The following TAFA2 variants were observed in gnomAD, a reference collection of about 807,000 sequenced individuals.
TAFA2 encodes the protein TAFA chemokine like family member 2, also known as chemokine-like protein TAFA-2.
In TAFA2, 7 loss-of-function variants were observed where a neutral mutation model predicts 18.8. The ratio of observed to expected loss-of-function variants is 0.37; its 90% CI spans 0.21 to 0.70. The LOEUF is 0.70. Among genes scored for constraint, TAFA2 ranks in the 30% least tolerant of loss-of-function variants. TAFA2 has a pLI of 0.53. For missense variants in TAFA2, 122 were observed against 158.1 expected (o/e 0.77, Z 1.23); for synonymous variants, 60 against 54.2 (o/e 1.11, Z -0.47).
intron 4 of TAFA2, among the ~76,000 whole-genome samples, chr12:61,711,836 CA>C (rs1869424162): frequency 6.6e-6 from 1 of 151,960 alleles, no homozygotes; most frequent in Non-Finnish European, 1.5e-5. Context: ...GGGTTGGAAA[CA>C]CATGAAGAGC....
intron 4 of TAFA2, among the ~76,000 whole-genome samples, chr12:61,731,782 C>T (rs1870462863): frequency 6.6e-6 from 1 of 151,976 alleles, no homozygotes; most frequent in Admixed American, 6.6e-5. Context: ...GTGAAACTTC[C>T]CAAAGATGCA....
Position 62,101,499 on chromosome 12 carries a change from C to T in TAFA2, c.-2+89760G>A, listed in dbSNP as rs150730312. Reference sequence around the variant, plus strand: ...CCTAGATTGTTAGTTCTTCCATAAGCCCAAACGTAACTCTTATTCAGAAAG... The same window carrying T: ...CCTAGATTGTTAGTTCTTCCATAAGTCCAAACGTAACTCTTATTCAGAAAG... On this transcript the variant is annotated intron_variant, in intron 1 of 4. Coordinates refer to ENST00000416284, the MANE Select transcript of TAFA2 (RefSeq NM_178539.5). 1.4e-4 allele frequency among the ~76,000 whole-genome samples: 21 copies of T among 152,266 alleles called. No homozygotes were observed. In the South Asian group the frequency reaches 1.4e-3, roughly 11 times the overall value.
intron 1 of TAFA2, among the ~76,000 whole-genome samples, chr12:62,134,761 G>A (rs138466089): frequency 6.6e-6 from 1 of 151,916 alleles, no homozygotes; most frequent in Non-Finnish European, 1.5e-5. Context: ...ACCTAATATC[G>A]AATGAATGGT....
chr12:61,825,977 A>C (rs2121071011), intron 2 of TAFA2, among the ~76,000 whole-genome samples: 1 of 152,202 alleles, frequency 6.6e-6, no homozygotes, highest in Non-Finnish European at 1.5e-5. Context: ...AGTTCAAAAA[A>C]ATCAAAAGTT....
chr12:61,812,577 T>G (rs1396169918), intron 2 of TAFA2, among the ~76,000 whole-genome samples: 3 of 150,776 alleles, frequency 2.0e-5, no homozygotes, highest in Non-Finnish European at 4.4e-5. Flanking sequence ...CATCTTTTTT[T>G]TTTTTTTTTG....
intron 2 of TAFA2, among the ~76,000 whole-genome samples, chr12:61,847,951 G>C (rs1565654927): frequency 6.6e-6 from 1 of 152,034 alleles, no homozygotes. Context: ...TAGTGGGCTT[G>C]TCAGTTTTAT....
At chr12:61,880,190 C>G (rs549909511) in intron 1 of TAFA2, 1 of 522,818 alleles carries the variant, frequency 1.9e-6, no homozygotes, top group Non-Finnish European at 3.6e-6. Flanking sequence ...TGAGGACCTG[C>G]AGATGCTGGC....
intron 2 of TAFA2, among the ~76,000 whole-genome samples, chr12:61,844,361 A>T (rs1873314804): frequency 6.6e-6 from 1 of 152,134 alleles, no homozygotes; most frequent in East Asian, 1.9e-4. Flanking sequence ...ATATTTCAAT[A>T]CTCAGAACTG....
intron 1 of TAFA2, among the ~76,000 whole-genome samples, chr12:61,893,612 C>T (rs1027057042): frequency 8.5e-5 from 13 of 152,112 alleles, no homozygotes; most frequent in African/African-American, 3.1e-4. Flanking sequence ...GGAGACAACT[C>T]TTCCATTTTA....
At chr12:62,179,685 T>C (rs999365185) in intron 1 of TAFA2, among the ~76,000 whole-genome samples, 1 of 152,164 alleles carries the variant, frequency 6.6e-6, no homozygotes, top group African/African-American at 2.4e-5. Context: ...AGAATTTCAA[T>C]GGATTTATTC....
intron 4 of TAFA2, among the ~76,000 whole-genome samples, chr12:61,738,717 G>A (rs1039466569): frequency 1.2e-4 from 18 of 152,056 alleles, no homozygotes; most frequent in Non-Finnish European, 1.0e-4. Context: ...CTGTTCTCAA[G>A]CACTGAAATC....
chr12:62,207,790 C>T (rs1302673318), intron 1 of TAFA2, among the ~76,000 whole-genome samples: 1 of 152,208 alleles, frequency 6.6e-6, no homozygotes, highest in Non-Finnish European at 1.5e-5. Context: ...ATCTGAGTTA[C>T]AAGCACGTAG....
intron 1 of TAFA2, among the ~76,000 whole-genome samples, chr12:61,903,056 C>T (rs1876180368): frequency 6.6e-6 from 1 of 152,150 alleles, no homozygotes; most frequent in South Asian, 2.1e-4. Flanking sequence ...CCTATCTGAT[C>T]TCTCTGCTTC....
intron 1 of TAFA2, among the ~76,000 whole-genome samples, chr12:62,001,260 TG>T (rs1356879251): frequency 2.2e-4 from 34 of 152,280 alleles, no homozygotes; most frequent in African/African-American, 6.7e-4. Context: ...CTTTTTGGCA[TG>T]AGGGACTGGT....
At chr12:61,945,144 GT>G (rs1235739107) in intron 1 of TAFA2, among the ~76,000 whole-genome samples, 1 of 115,824 alleles carries the variant, frequency 8.6e-6, no homozygotes, top group African/African-American at 4.6e-5. Flanking sequence ...TGCAAGGCTG[GT>G]TCAATATATG....
At chr12:62,074,219 C>T (rs1371621890) in intron 1 of TAFA2, among the ~76,000 whole-genome samples, 1 of 152,220 alleles carries the variant, frequency 6.6e-6, no homozygotes, top group Non-Finnish European at 1.5e-5. Flanking sequence ...GGTTTCTGTG[C>T]TCAGACAGTA....
intron 1 of TAFA2, among the ~76,000 whole-genome samples, chr12:61,933,596 C>A (rs1438086347): frequency 2.0e-5 from 3 of 152,102 alleles, no homozygotes; most frequent in Non-Finnish European, 2.9e-5. Flanking sequence ...CACCTGTAGT[C>A]CCAGCTAATG....
chr12:62,061,424 G>A (rs1246219715), intron 1 of TAFA2, among the ~76,000 whole-genome samples: 2 of 152,142 alleles, frequency 1.3e-5, no homozygotes, highest in African/African-American at 4.8e-5. Context: ...ATATAGCCTC[G>A]GTGTGTAGTC....
intron 1 of TAFA2, among the ~76,000 whole-genome samples, chr12:62,015,189 A>G (rs1485129457): frequency 1.3e-5 from 2 of 152,144 alleles, no homozygotes; most frequent in African/African-American, 4.8e-5. Flanking sequence ...TATAATTTAC[A>G]ACTAATATAT....
Sources: gnomAD v4.1 joint callset for allele counts (sites outside exome capture counted in the v4.1 genomes callset) on GRCh38, gnomAD v4.1.1 for gene constraint, MANE v1.5 for transcripts, NCBI Gene and HGNC (gene_info 2026-07-23, HGNC 2026-07-21) for gene names.